ITGA9: variants seen among roughly 807,000 people sequenced by gnomAD.
ITGA9 encodes integrin alpha-9.
A neutral mutation model predicts 127.8 loss-of-function variants in ITGA9; 56 were observed. The observed-to-expected ratio is 0.44, with a 90% CI of 0.35 to 0.55. The LOEUF (loss-of-function observed/expected upper bound fraction) is 0.55, where lower values mean the gene tolerates loss of function less well. Among genes scored for constraint, ITGA9 ranks in the 20% least tolerant of loss-of-function variants. ITGA9 has a pLI of 0.00. For missense variants in ITGA9, 1,196 were observed against 1,347.1 expected (o/e 0.89, Z 1.76); for synonymous variants, 508 against 514.5 (o/e 0.99, Z 0.17).
At chr3:37,515,585 C>CA (rs1320432036) in intron 9 of ITGA9, among the ~76,000 whole-genome samples, 1 of 152,044 alleles carries the variant, frequency 6.6e-6, no homozygotes, top group Non-Finnish European at 1.5e-5. Context: ...TAAAAACACA[C>CA]AAAAAAATTA....
chr3:37,684,922 G>C (rs1376739596), intron 18 of ITGA9, among the ~76,000 whole-genome samples: 2 of 152,070 alleles, frequency 1.3e-5, no homozygotes, highest in Non-Finnish European at 2.9e-5. Context: ...ATCATCCCGA[G>C]TGTACCACCT....
At chr3:37,675,886 G>A (rs1452258328) in intron 17 of ITGA9, among the ~76,000 whole-genome samples, 2 of 151,698 alleles carry the variant, frequency 1.3e-5, no homozygotes, top group African/African-American at 2.4e-5. Flanking sequence ...TGGGACTACA[G>A]GTGTGCACCA....
At chr3:37,460,878 C>A (rs886222142) in intron 1 of ITGA9, among the ~76,000 whole-genome samples, 2 of 152,162 alleles carry the variant, frequency 1.3e-5, no homozygotes, top group South Asian at 4.2e-4. Flanking sequence ...CGTGAGCCAC[C>A]GCACCCGGAC....
At chr3:37,753,904 T>G (rs1009951189) in intron 23 of ITGA9, 1 of 152,202 alleles carries the variant, frequency 6.6e-6, no homozygotes, top group African/African-American at 2.4e-5. Flanking sequence ...TTCCTTCTAT[T>G]GGACAGTCAT....
At chr3:37,525,853 C>T (rs977526890) in intron 12 of ITGA9, among the ~76,000 whole-genome samples, 173 bp from the exon 13 acceptor site, 2 of 152,158 alleles carry the variant, frequency 1.3e-5, no homozygotes, top group African/African-American at 4.8e-5. Flanking sequence ...TTGGCTGCCA[C>T]GTCAGAGAGT....
chr3:37,623,086 C>G (rs1002193343), intron 15 of ITGA9, among the ~76,000 whole-genome samples: 3 of 152,110 alleles, frequency 2.0e-5, no homozygotes, highest in African/African-American at 7.2e-5. Context: ...ATTTCATTCA[C>G]AATCCTATAA....
intron 13 of ITGA9, among the ~76,000 whole-genome samples, chr3:37,531,077 G>A (rs1297764396): frequency 6.6e-6 from 1 of 152,008 alleles, no homozygotes; most frequent in Non-Finnish European, 1.5e-5. Flanking sequence ...GAAAAAAAAA[G>A]CACTGAAAGC....
At chr3:37,550,962 A>G (rs895616459) in intron 15 of ITGA9, among the ~76,000 whole-genome samples, 13 of 152,146 alleles carry the variant, frequency 8.5e-5, no homozygotes, top group South Asian at 2.1e-4. Context: ...GGCTTCTAGC[A>G]TGTTTGTTAA....
intron 14 of ITGA9, among the ~76,000 whole-genome samples, chr3:37,539,131 G>C (rs9814281): frequency 0.04 from 6,142 of 152,316 alleles, 403 homozygotes; most frequent in African/African-American, 0.14. Flanking sequence ...TCTGCAGTGA[G>C]ATGAAACTTT....
intron 1 of ITGA9, among the ~76,000 whole-genome samples, chr3:37,463,368 T>A (rs1698336814): frequency 6.6e-6 from 1 of 152,194 alleles, no homozygotes; most frequent in South Asian, 2.1e-4. Context: ...GGTTCTTCTG[T>A]TCTCTCCAGG....
intron 26 of ITGA9, among the ~76,000 whole-genome samples, chr3:37,800,809 T>C (rs528220644): frequency 5.4e-4 from 82 of 152,322 alleles, no homozygotes; most frequent in African/African-American, 1.6e-3. Context: ...AGAGGAATAC[T>C]GTACAGCAGT....
At chr3:37,462,414 G>A (rs962818621) in intron 1 of ITGA9, among the ~76,000 whole-genome samples, 2 of 152,140 alleles carry the variant, frequency 1.3e-5, no homozygotes, top group African/African-American at 4.8e-5. Flanking sequence ...AATTATTATT[G>A]CCAACCTTTT....
intron 15 of ITGA9, among the ~76,000 whole-genome samples, chr3:37,624,981 A>T (rs1417557615): frequency 1.3e-5 from 2 of 152,176 alleles, no homozygotes; most frequent in Non-Finnish European, 2.9e-5. Flanking sequence ...TTAAGATCAC[A>T]TAACCTGCAA....
At chr3:37,794,160 A>G (rs1697145625) in intron 26 of ITGA9, among the ~76,000 whole-genome samples, 1 of 152,212 alleles carries the variant, frequency 6.6e-6, no homozygotes, top group Non-Finnish European at 1.5e-5. Flanking sequence ...TGTCACTCTG[A>G]CATCACCCCT....
intron 18 of ITGA9, among the ~76,000 whole-genome samples, 184 bp downstream of exon 18, chr3:37,684,199 G>C (rs571057973): frequency 2.2e-4 from 34 of 152,306 alleles, no homozygotes; most frequent in African/African-American, 8.2e-4. Flanking sequence ...CAAAGAAGCA[G>C]CCGTAAATGC....
chr3:37,709,267 A>G (rs1701051202), intron 18 of ITGA9, among the ~76,000 whole-genome samples: 1 of 152,164 alleles, frequency 6.6e-6, no homozygotes, highest in South Asian at 2.1e-4. Flanking sequence ...ATCCCCAGTC[A>G]TGGTGCTGAC....
At chr3:37,614,181 A>G (rs1700051516) in intron 15 of ITGA9, among the ~76,000 whole-genome samples, 1 of 152,054 alleles carries the variant, frequency 6.6e-6, no homozygotes. Context: ...CTTTCTACAT[A>G]TGGCTAGCCA....
intron 27 of ITGA9, among the ~76,000 whole-genome samples, chr3:37,815,395 T>C (rs1697418836): frequency 6.6e-6 from 1 of 152,092 alleles, no homozygotes; most frequent in Non-Finnish European, 1.5e-5. Context: ...GATCACTTGA[T>C]GTCAGGAGTT....
At chr3:37,658,621 G>A (rs563375814) in intron 17 of ITGA9, among the ~76,000 whole-genome samples, 9 of 152,012 alleles carry the variant, frequency 5.9e-5, no homozygotes, top group Non-Finnish European at 1.3e-4. Context: ...CACACTGATG[G>A]GTCTTGACTC....
Sources: allele counts gnomAD v4.1 joint callset (sites outside exome capture counted in the v4.1 genomes callset), GRCh38; gene constraint gnomAD v4.1.1; transcripts MANE v1.5; gene names NCBI Gene and HGNC (gene_info 2026-07-23, HGNC 2026-07-21).